Variants in CCDC148 observed in about 807,000 individuals in gnomAD.
CCDC148 encodes the protein coiled-coil domain containing 148, also known as coiled-coil domain-containing protein 148.
CCDC148 carries 89 observed loss-of-function variants against 85.7 expected under a neutral mutation model. The ratio of observed to expected loss-of-function variants is 1.04; its 90% CI spans 0.87 to 1.24. The LOEUF (loss-of-function observed/expected upper bound fraction) is 1.24, where lower values mean the gene tolerates loss of function less well. Among genes scored for constraint, CCDC148 ranks in the 50% most tolerant of loss-of-function variants. CCDC148 has a pLI of 0.00. For missense variants in CCDC148, 692 were observed against 671.7 expected (o/e 1.03, Z -0.33); for synonymous variants, 230 against 213.9 (o/e 1.08, Z -0.66).
intron 10 of CCDC148, among the ~76,000 whole-genome samples, chr2:158,249,211 T>C (rs1055535099): frequency 6.6e-6 from 1 of 152,178 alleles, no homozygotes; most frequent in Non-Finnish European, 1.5e-5. Context: ...TCATATGACA[T>C]TTAAGTTGAC....
chr2:158,234,042 G>A (rs558858369), intron 10 of CCDC148, among the ~76,000 whole-genome samples: 1 of 152,192 alleles, frequency 6.6e-6, no homozygotes, highest in South Asian at 2.1e-4. Context: ...TGGGCATGGT[G>A]GTGTGTGCCT....
chr2:158,240,452 T>TCTCTCTCTCTCTCTCTCACACA (rs941238898), intron 10 of CCDC148, among the ~76,000 whole-genome samples: 3 of 120,468 alleles, frequency 2.5e-5, no homozygotes, highest in Non-Finnish European at 5.2e-5. Flanking sequence ...TCTCTCTCTC[T>TCTCTCTCTCTCTCTCTCACACA]CACACACACA....
At chr2:158,386,703 T>C (rs550176733) in intron 1 of CCDC148, among the ~76,000 whole-genome samples, 1 of 152,230 alleles carries the variant, frequency 6.6e-6, no homozygotes, top group African/African-American at 2.4e-5. Flanking sequence ...CTGACACAAT[T>C]CTTGATTTTT....
intron 1 of CCDC148, among the ~76,000 whole-genome samples, chr2:158,401,764 C>T (rs898663440): frequency 2.0e-5 from 3 of 152,074 alleles, no homozygotes; most frequent in Admixed American, 2.0e-4. Flanking sequence ...TTGATTCTGA[C>T]TCAAGTAAGA....
chr2:158,280,476 C>A (rs1388872137), intron 9 of CCDC148, among the ~76,000 whole-genome samples: 6 of 152,090 alleles, frequency 3.9e-5, no homozygotes, highest in South Asian at 4.2e-4. Context: ...GGGTTGCAAT[C>A]CTAGTCTCTG....
chr2:158,358,331 C>T (rs1243527297), intron 2 of CCDC148, 118 bp downstream of exon 2: 5 of 1,208,572 alleles, frequency 4.1e-6, no homozygotes, highest in Middle Eastern at 2.2e-4. Context: ...ATTATTTCTA[C>T]TTGGGAGTTT....
intron 11 of CCDC148, among the ~76,000 whole-genome samples, chr2:158,199,423 T>G (rs557283670): frequency 1.3e-5 from 2 of 152,176 alleles, no homozygotes; most frequent in South Asian, 4.1e-4. Flanking sequence ...TTTAGTATTT[T>G]CAGTAGAGAC....
chr2:158,351,205 T>C (rs1456712824), intron 2 of CCDC148, among the ~76,000 whole-genome samples: 2 of 152,256 alleles, frequency 1.3e-5, no homozygotes, highest in South Asian at 2.1e-4. Flanking sequence ...AACAGTAAAC[T>C]TCATAAAGGT....
chr2:158,388,499 A>G (rs990760598), intron 1 of CCDC148, among the ~76,000 whole-genome samples: 15 of 151,802 alleles, frequency 9.9e-5, no homozygotes, highest in Middle Eastern at 3.4e-3. Context: ...TATTTTATCT[A>G]TTTATTTATT....
At position 158,340,535 on chromosome 2, in the gene CCDC148, G is replaced by A. The variant is rs921654129; in HGVS notation, c.334+63C>T. 7 of 1,382,030 alleles carry A rather than the reference G, an allele frequency of 5.1e-6. No individual in the cohort carries two copies. In the African/African-American group the frequency reaches 8.7e-5, roughly 17 times the overall value. The allele number at this position is 1,382,030 out of a possible 1,614,324, so 85.6% of individuals were successfully genotyped here. ...TTAATATTAAAAGAACATGAAGTGA[G>A]TGGCCCATTCTCATTCTTCAAAATA... On this transcript the variant is annotated intron_variant, in intron 4 of 13. Transcript: ENST00000283233.
chr2:158,260,884 A>G (rs1689193752), intron 9 of CCDC148, among the ~76,000 whole-genome samples: 1 of 152,000 alleles, frequency 6.6e-6, no homozygotes, highest in African/African-American at 2.4e-5. Context: ...ACAAATAGAA[A>G]ACCATACCAT....
intron 7 of CCDC148, among the ~76,000 whole-genome samples, chr2:158,317,313 G>A (rs1350095559): frequency 1.3e-5 from 2 of 151,914 alleles, no homozygotes; most frequent in South Asian, 2.1e-4. Flanking sequence ...CATCTTTATC[G>A]TAGCCTGCCA....
At chr2:158,211,397 T>C (rs1424981953) in intron 11 of CCDC148, among the ~76,000 whole-genome samples, 1 of 152,112 alleles carries the variant, frequency 6.6e-6, no homozygotes, top group African/African-American at 2.4e-5. Context: ...ACAAAAATAA[T>C]GGTGGGCATA....
chr2:158,251,650 T>C (rs1688798271), intron 9 of CCDC148, among the ~76,000 whole-genome samples: 2 of 151,806 alleles, frequency 1.3e-5, no homozygotes, highest in Non-Finnish European at 1.5e-5. Flanking sequence ...CAGTAAGAGA[T>C]GGCTTAAATC....
At chr2:158,369,404 T>C (rs1226169063) in intron 1 of CCDC148, among the ~76,000 whole-genome samples, 1 of 152,142 alleles carries the variant, frequency 6.6e-6, no homozygotes, top group Non-Finnish European at 1.5e-5. Flanking sequence ...TGGTTAGCTG[T>C]ATTCCTGGTA....
rs1363427946 is a variant in CCDC148 at position 158,339,085 on chromosome 2, C to A, written c.487G>T (p.Val163Phe). 3 of 1,609,726 alleles carry A rather than the reference C, an allele frequency of 1.9e-6. No individual in the cohort carries two copies. Among genetic ancestry groups the A allele is most frequent in the Non-Finnish European group, 2.5e-6 (3 of 1,176,612 alleles). The change falls in exon 6 of 14, where the codon GTT becomes TTT. Residue 163 changes from valine to phenylalanine, a missense_variant and splice_region_variant. Physicochemically the swap from Val to Phe is conservative, Grantham distance 50. Coordinates refer to ENST00000283233, the MANE Select transcript of CCDC148 (RefSeq NM_138803.4). ...TTCAATTGTTTCTTCACAAAGTCAA[C>A]CTATAGGACATTTGGAACAAGTAGT... The part of the protein sequence containing the change: ...EFNSMKVLEE[V>F]DFVKKQLKTV...
Position 158,309,507 on chromosome 2 carries a change from T to C in CCDC148, c.1036A>G (p.Thr346Ala), listed in dbSNP as rs372161594. Reference sequence around the variant, plus strand: ...GCCAACATGCTCTCCATTTCATGTGTTGCACAAGCCTCAGTGAGTGTCAGC... The same window carrying C: ...GCCAACATGCTCTCCATTTCATGTGCTGCACAAGCCTCAGTGAGTGTCAGC... ...AVLTLTEACA[T>A]HEMESMLAKD... Residue 346 changes from threonine to alanine, a missense_variant, in exon 9 of 14, where the codon ACA becomes GCA. Thr to Ala is a moderately conservative substitution (Grantham distance 58). Coordinates refer to ENST00000283233, the MANE Select transcript of CCDC148 (RefSeq NM_138803.4). 2 of 1,614,086 alleles carry C rather than the reference T, an allele frequency of 1.2e-6. No individual in the cohort carries two copies. Among genetic ancestry groups the C allele is most frequent in the African/African-American group, 1.3e-5 (1 of 74,944 alleles).
At chr2:158,417,141 C>T (rs1362057164) in intron 1 of CCDC148, among the ~76,000 whole-genome samples, 2 of 152,244 alleles carry the variant, frequency 1.3e-5, no homozygotes, top group Admixed American at 6.5e-5. Flanking sequence ...TTCCCTCCTC[C>T]AACACTGGGG....
At chr2:158,300,068 C>A (rs956051533) in intron 9 of CCDC148, among the ~76,000 whole-genome samples, 2 of 152,092 alleles carry the variant, frequency 1.3e-5, no homozygotes, top group African/African-American at 4.8e-5. Flanking sequence ...TATGGGTAGT[C>A]AGGTTTTATT....
Sources: gnomAD v4.1 joint callset for allele counts (sites outside exome capture counted in the v4.1 genomes callset) on GRCh38, gnomAD v4.1.1 for gene constraint, MANE v1.5 for transcripts, NCBI Gene and HGNC (gene_info 2026-07-23, HGNC 2026-07-21) for gene names.